The following MAST4 variants were observed in gnomAD, a reference collection of about 807,000 sequenced individuals.
The protein encoded by MAST4 is microtubule associated serine/threonine kinase family member 4.
MAST4 carries 89 observed loss-of-function variants against 162.7 expected under a neutral mutation model. The observed-to-expected ratio is 0.55, with a 90% CI of 0.46 to 0.65. The LOEUF is 0.65. Ranked by LOEUF, MAST4 falls within the 30% of genes least tolerant of loss-of-function variation. The pLI is 0.00. For synonymous variants in MAST4, 1,479 were observed against 1,361.1 expected, an observed-to-expected ratio of 1.09 and a Z score of -1.91; for missense variants, 3,153 against 3,374.0, an observed-to-expected ratio of 0.93 and a Z score of 1.62.
At chr5:67,070,628 C>T (rs1020453512) in intron 5 of MAST4, among the ~76,000 whole-genome samples, 7 of 152,198 alleles carry the variant, frequency 4.6e-5, no homozygotes, top group Admixed American at 1.3e-4. Context: ...GCCACCACAC[C>T]TTATTTGTAA....
chr5:66,768,438 T>C (rs1225219654), intron 2 of MAST4, among the ~76,000 whole-genome samples: 3 of 152,182 alleles, frequency 2.0e-5, no homozygotes, highest in African/African-American at 7.2e-5. Context: ...ACCTATACCA[T>C]GGAATACTAC....
intron 3 of MAST4, among the ~76,000 whole-genome samples, chr5:66,824,542 A>C (rs1473463254): frequency 6.6e-6 from 1 of 152,238 alleles, no homozygotes; most frequent in East Asian, 1.9e-4. Flanking sequence ...TTCCTCGATG[A>C]ACATTTCAGT....
chr5:67,152,486 G>A, intron 24 of MAST4, 151 bp from the exon 25 acceptor site: 1 of 635,942 alleles, frequency 1.6e-6, no homozygotes. Flanking sequence ...AAACATTTTT[G>A]TATTATTTCA....
At chr5:66,646,004 T>C (rs1745808975) in intron 1 of MAST4, among the ~76,000 whole-genome samples, 1 of 152,170 alleles carries the variant, frequency 6.6e-6, no homozygotes, top group Non-Finnish European at 1.5e-5. Flanking sequence ...TTGCTAAAGT[T>C]CTGATTTTAC....
At chr5:66,906,605 G>C (rs944560814) in intron 4 of MAST4, among the ~76,000 whole-genome samples, 4 of 152,152 alleles carry the variant, frequency 2.6e-5, no homozygotes, top group Admixed American at 2.6e-4. Context: ...TCTTGGAGAT[G>C]TCTTTGGTAC....
At chr5:66,970,484 G>A (rs1029372971) in intron 4 of MAST4, among the ~76,000 whole-genome samples, 4 of 152,176 alleles carry the variant, frequency 2.6e-5, no homozygotes, top group South Asian at 2.1e-4. Context: ...TTTTAGGTCC[G>A]TGGGGTCTTG....
At chr5:67,053,919 TA>T (rs1379655859) in intron 4 of MAST4, among the ~76,000 whole-genome samples, 5 of 152,236 alleles carry the variant, frequency 3.3e-5, no homozygotes, top group Non-Finnish European at 7.3e-5. Flanking sequence ...GAGACACATT[TA>T]TCTTAGGCAT....
intron 3 of MAST4, among the ~76,000 whole-genome samples, chr5:66,882,323 C>A (rs895536487): frequency 1.3e-5 from 2 of 152,100 alleles, no homozygotes; most frequent in Non-Finnish European, 2.9e-5. Context: ...TTAAATACAT[C>A]TTTAAACCAC....
intron 1 of MAST4, among the ~76,000 whole-genome samples, chr5:66,757,849 C>G (rs987501109): frequency 6.6e-6 from 1 of 152,044 alleles, no homozygotes; most frequent in African/African-American, 2.4e-5. Context: ...GGTATGAGCA[C>G]AAAATGGAGC....
chr5:66,688,944 C>T (rs991690592), intron 1 of MAST4, among the ~76,000 whole-genome samples: 2 of 152,100 alleles, frequency 1.3e-5, no homozygotes, highest in Admixed American at 1.3e-4. Flanking sequence ...CTGAAAAGCC[C>T]TACATTTACA....
chr5:66,890,252 G>A (rs1169069953), intron 3 of MAST4, among the ~76,000 whole-genome samples: 1 of 152,108 alleles, frequency 6.6e-6, no homozygotes, highest in East Asian at 1.9e-4. Flanking sequence ...ATAAACTAGA[G>A]CTGTTATTCA....
intron 1 of MAST4, among the ~76,000 whole-genome samples, chr5:66,721,868 A>G (rs1310096658): frequency 1.3e-5 from 2 of 151,778 alleles, no homozygotes; most frequent in Non-Finnish European, 2.9e-5. Flanking sequence ...TATTGAAATC[A>G]TTCTTTACTA....
chr5:66,645,991 A>G (rs920139799), intron 1 of MAST4, among the ~76,000 whole-genome samples: 3 of 152,116 alleles, frequency 2.0e-5, no homozygotes, highest in East Asian at 1.9e-4. Context: ...CTTTTGTTCT[A>G]TATTGCTAAA....
At chr5:67,004,486 G>A (rs1309685089) in intron 4 of MAST4, 1 of 153,768 alleles carries the variant, frequency 6.5e-6, no homozygotes, top group Non-Finnish European at 1.4e-5. Context: ...CTTGTATGTA[G>A]ATACCAAAAG....
rs568047575 is a variant in MAST4 at position 66,743,837 on chromosome 5, T to C, written c.364-15872T>C. Among the ~76,000 whole-genome samples the C allele has an allele frequency of 4.6e-5, 7 of 152,314 alleles. No individual in the cohort carries two copies. The South Asian group carries it at 1.5e-3, about 32-fold the overall frequency. On this transcript the variant is annotated intron_variant, in intron 1 of 28. Coordinates refer to ENST00000403625, the MANE Select transcript of MAST4 (RefSeq NM_001164664.2). The stretch of plus-strand genomic sequence containing the variant: ...ATACTTATAATTATTTATTAATAGA[T>C]ATTTATTACAATTGCATATTATGTA...
At chr5:66,614,265 T>G (rs984922215) in intron 1 of MAST4, among the ~76,000 whole-genome samples, 2 of 152,234 alleles carry the variant, frequency 1.3e-5, no homozygotes, top group Non-Finnish European at 2.9e-5. Flanking sequence ...GTTCCACTAC[T>G]TCAAAGATTC....
chr5:67,034,090 A>G (rs1338810518), intron 4 of MAST4, among the ~76,000 whole-genome samples: 9 of 152,168 alleles, frequency 5.9e-5, no homozygotes, highest in Non-Finnish European at 1.0e-4. Flanking sequence ...CTAGCTTTGT[A>G]CAGTCTATCC....
rs1561312374 is a variant in MAST4, at chr5:66,760,079, ATTTATTT to A, written c.517+218_517+224del. 6.7e-3 allele frequency among the ~76,000 whole-genome samples: 912 copies of A among 136,132 alleles called. 14 individuals carry two copies. Among genetic ancestry groups the A allele is most frequent in the Middle Eastern group, 0.033 (8 of 246 alleles). 89.3% of individuals were successfully genotyped at this position (136,132 alleles called of 152,430 possible). A position where few individuals can be genotyped will look rare whatever the true frequency, so the allele number is the denominator to read the frequency against. ...TTTACATGCAGTGACAATATCCCCTATTTATTTATTTATTTATTTATTTATTTATTTA... is the reference window on the plus strand; with the variant it reads ...TTTACATGCAGTGACAATATCCCCTAATTTATTTATTTATTTATTTATTTA... On this transcript the variant is annotated intron_variant, in intron 2 of 28. Coordinates refer to ENST00000403625, the MANE Select transcript of MAST4 (RefSeq NM_001164664.2).
chr5:66,944,839 T>C (rs1011367691), intron 4 of MAST4, among the ~76,000 whole-genome samples: 1 of 152,158 alleles, frequency 6.6e-6, no homozygotes, highest in African/African-American at 2.4e-5. Context: ...CCATGTTCTT[T>C]GGGGTTAGCA....
Sources: allele counts gnomAD v4.1 joint callset (sites outside exome capture counted in the v4.1 genomes callset), GRCh38; gene constraint gnomAD v4.1.1; transcripts MANE v1.5; gene names NCBI Gene and HGNC (gene_info 2026-07-23, HGNC 2026-07-21).